Variants in NSMCE2 observed in about 807,000 individuals in gnomAD.
The protein encoded by NSMCE2 is E3 SUMO-protein ligase NSE2.
In NSMCE2, 24 loss-of-function variants were observed where a neutral mutation model predicts 23.8. The ratio of observed to expected loss-of-function variants is 1.01; its 90% CI spans 0.73 to 1.42. NSMCE2 has a LOEUF of 1.42. NSMCE2 is among the 40% of genes most tolerant of loss of function. The pLI is 0.00. For synonymous variants in NSMCE2, 92 were observed against 94.1 expected (o/e 0.98, Z 0.13); for missense variants, 284 against 296.5 (o/e 0.96, Z 0.31).
intron 3 of NSMCE2, among the ~76,000 whole-genome samples, chr8:125,133,609 C>T (rs1467728188): frequency 2.0e-5 from 3 of 151,660 alleles, no homozygotes; most frequent in Non-Finnish European, 4.4e-5. Flanking sequence ...GGCATGGTGG[C>T]TCGCACCTGT....
At chr8:125,334,341 G>A (rs1428913468) in intron 5 of NSMCE2, among the ~76,000 whole-genome samples, 1 of 152,144 alleles carries the variant, frequency 6.6e-6, no homozygotes, top group Non-Finnish European at 1.5e-5. Flanking sequence ...GAGTTACCCA[G>A]ATAATGGTCT....
chr8:125,213,342 G>T (rs886612672), intron 5 of NSMCE2, among the ~76,000 whole-genome samples: 1 of 152,108 alleles, frequency 6.6e-6, no homozygotes, highest in African/African-American at 2.4e-5. Flanking sequence ...TTGGCCAAAG[G>T]TTTAGCTGTT....
intron 5 of NSMCE2, among the ~76,000 whole-genome samples, chr8:125,333,505 CTTTTTTTTTTTT>C (rs71295847): frequency 8.8e-5 from 4 of 45,628 alleles, no homozygotes; most frequent in African/African-American, 3.8e-4. Context: ...CCTGGTGGTT[CTTTTTTTTTTTT>C]TTTTTTTTTT....
chr8:125,239,522 T>C lies in NSMCE2; in HGVS notation c.418+57266T>C, dbSNP rs112616042. Among the ~76,000 whole-genome samples, 204 of 150,662 alleles carry C rather than the reference T, an allele frequency of 1.4e-3. 1 individual carries two copies. The highest frequency in any genetic ancestry group is 4.7e-3 in the African/African-American group (191 of 40,868). ...CACTCGGGTGGTTGAGACATGAGAA[T>C]TGCTTTAACCCGGGAGGCAGAGGTT... On this transcript the variant is annotated intron_variant, in intron 5 of 7. Coordinates refer to ENST00000287437, the MANE Select transcript of NSMCE2 (RefSeq NM_173685.4).
At chr8:125,348,808 T>C (rs1177367414) in intron 5 of NSMCE2, 1 of 152,086 alleles carries the variant, frequency 6.6e-6, no homozygotes. Flanking sequence ...TTCCTTTAAA[T>C]ATTACCCAGT....
intron 3 of NSMCE2, among the ~76,000 whole-genome samples, chr8:125,103,611 T>G (rs1818308679): frequency 6.6e-6 from 1 of 152,222 alleles, no homozygotes; most frequent in Non-Finnish European, 1.5e-5. Context: ...TCACATTTCA[T>G]GTATGTTAGA....
chr8:125,343,838 TAAGAAAAATA>T (rs2131332800), intron 5 of NSMCE2, among the ~76,000 whole-genome samples: 1 of 150,632 alleles, frequency 6.6e-6, no homozygotes, highest in African/African-American at 2.4e-5. Context: ...CACTAAAAAA[TAAGAAAAATA>T]AAAAAAAATT....
chr8:125,236,392 A>G (rs970168050), intron 5 of NSMCE2, among the ~76,000 whole-genome samples: 1 of 152,190 alleles, frequency 6.6e-6, no homozygotes, highest in Admixed American at 6.5e-5. Flanking sequence ...ATATGATCCC[A>G]TACATGTGTA....
chr8:125,174,529 C>A (rs1822380179), intron 4 of NSMCE2, among the ~76,000 whole-genome samples: 1 of 152,156 alleles, frequency 6.6e-6, no homozygotes, highest in African/African-American at 2.4e-5. Flanking sequence ...TAATTTTTAA[C>A]AGCCTAAATG....
In NSMCE2 at chr8:125,109,133, A is replaced by G. The variant is rs773938232; in HGVS notation, c.157+6646A>G. 3.9e-5 allele frequency among the ~76,000 whole-genome samples: 6 copies of G among 152,162 alleles called. No homozygotes were observed. The East Asian group carries it at 5.8e-4, about 15-fold the overall frequency. On this transcript the variant is annotated intron_variant, in intron 3 of 7. Transcript: ENST00000287437. ...TTGATTTGTGTGCTATGTATCTTAT[A>G]CCCTCATTGTAATACAGGCATAATA... is the stretch of plus-strand genomic sequence containing the variant.
At chr8:125,235,270 A>AT (rs977407347) in intron 5 of NSMCE2, among the ~76,000 whole-genome samples, 15 of 152,042 alleles carry the variant, frequency 9.9e-5, no homozygotes, top group Admixed American at 4.6e-4. Flanking sequence ...GAAACCTAAA[A>AT]GCTTTTCCCA....
chr8:125,346,714 A>G (rs1447433467), intron 5 of NSMCE2, among the ~76,000 whole-genome samples: 2 of 152,144 alleles, frequency 1.3e-5, no homozygotes, highest in African/African-American at 4.8e-5. Flanking sequence ...TCCAGTATTT[A>G]TTGGTTTGAA....
chr8:125,183,459 C>T (rs559016217), intron 5 of NSMCE2, among the ~76,000 whole-genome samples: 1 of 152,006 alleles, frequency 6.6e-6, no homozygotes, highest in Non-Finnish European at 1.5e-5. Context: ...GTATTTTTCA[C>T]TCTTCCCTCA....
chr8:125,327,654 G>A (rs1829723279), intron 5 of NSMCE2, among the ~76,000 whole-genome samples: 1 of 146,804 alleles, frequency 6.8e-6, no homozygotes, highest in Non-Finnish European at 1.5e-5. Flanking sequence ...TACAGGTGTT[G>A]GGCACAGAAT....
intron 4 of NSMCE2, among the ~76,000 whole-genome samples, chr8:125,174,329 A>G (rs900807857): frequency 6.6e-6 from 1 of 152,214 alleles, no homozygotes; most frequent in African/African-American, 2.4e-5. Context: ...CTGAATGAAT[A>G]AATGAATAAA....
In NSMCE2 at chr8:125,292,221, A is replaced by G. The variant is rs373162121; in HGVS notation, c.419-64998A>G. ...TGTAGATTCAAGAAGCTATGGGAGG[A>G]AAAAAAAAAAAGGAGAAGAAGAAGA... On this transcript the variant is annotated intron_variant, in intron 5 of 7. Transcript: ENST00000287437. Among the ~76,000 whole-genome samples the G allele has an allele frequency of 4.1e-3, 572 of 138,160 alleles. 4 individuals are homozygous for G. Among genetic ancestry groups the G allele is most frequent in the African/African-American group, 0.014 (554 of 38,324 alleles). 90.6% of individuals were successfully genotyped at this position (138,160 alleles called of 152,430 possible).
At chr8:125,125,860 C>G (rs1404414290) in intron 3 of NSMCE2, among the ~76,000 whole-genome samples, 6 of 152,148 alleles carry the variant, frequency 3.9e-5, no homozygotes, top group Non-Finnish European at 4.4e-5. Flanking sequence ...TGTCCCAAGT[C>G]CTACATTGGT....
At chr8:125,331,027 C>T (rs10104659) in intron 5 of NSMCE2, among the ~76,000 whole-genome samples, 66,908 of 152,060 alleles carry the variant, frequency 0.44, 17,007 homozygotes, top group East Asian at 0.55. Flanking sequence ...GGTGACTGGG[C>T]GCGGTGGCTC....
rs1491510239 is a variant in NSMCE2 at position 125,272,814 on chromosome 8, TATATATATACAC to T, written c.419-84391_419-84380del. 4.0e-4 allele frequency among the ~76,000 whole-genome samples: 49 copies of T among 122,078 alleles called. 2 individuals carry two copies. The highest frequency in any genetic ancestry group is 1.5e-3 in the African/African-American group (45 of 30,134). 80.1% of individuals were successfully genotyped at this position (122,078 alleles called of 152,430 possible). On this transcript the variant is annotated intron_variant, in intron 5 of 7. Coordinates refer to ENST00000287437, the MANE Select transcript of NSMCE2 (RefSeq NM_173685.4). ...ACATGTGTATATATATACACACACG[TATATATATACAC>T]ATATATATACACACGTATATACACA...
Sources: allele counts gnomAD v4.1 joint callset (sites outside exome capture counted in the v4.1 genomes callset), GRCh38; gene constraint gnomAD v4.1.1; transcripts MANE v1.5; gene names NCBI Gene and HGNC (gene_info 2026-07-23, HGNC 2026-07-21).